MORC1: variants seen among roughly 807,000 people sequenced by gnomAD.
The protein encoded by MORC1 is MORC family CW-type zinc finger protein 1.
A neutral mutation model predicts 134.9 loss-of-function variants in MORC1; 59 were observed. The observed-to-expected ratio is 0.44, with a 90% CI of 0.35 to 0.54. The LOEUF (loss-of-function observed/expected upper bound fraction) is 0.54. Ranked by LOEUF, MORC1 falls within the 20% of genes least tolerant of loss-of-function variation. MORC1 has a pLI of 0.00. For missense variants in MORC1, 947 were observed against 1,134.5 expected (o/e 0.83, Z 2.37); for synonymous variants, 395 against 391.7 (o/e 1.01, Z -0.10).
intron 17 of MORC1, among the ~76,000 whole-genome samples, chr3:109,023,858 C>T (rs546860326): frequency 6.6e-6 from 1 of 152,274 alleles, no homozygotes; most frequent in East Asian, 1.9e-4. Context: ...CATCACTTGG[C>T]CAGCAGGTGG....
intron 17 of MORC1, among the ~76,000 whole-genome samples, chr3:109,017,078 C>G (rs568923522): frequency 6.6e-6 from 1 of 152,294 alleles, no homozygotes; most frequent in South Asian, 2.1e-4. Flanking sequence ...CAGCTTATTA[C>G]CCATGGCGTC....
intron 14 of MORC1, among the ~76,000 whole-genome samples, chr3:109,040,796 C>T (rs184379298): frequency 1.3e-4 from 18 of 137,684 alleles, no homozygotes; most frequent in Middle Eastern, 5.0e-3. Context: ...TGCCACTGCA[C>T]TCCAGACTGG....
chr3:108,988,949 C>A (rs2593966), intron 21 of MORC1, among the ~76,000 whole-genome samples: 172 of 152,246 alleles, frequency 1.1e-3, no homozygotes, highest in African/African-American at 4.0e-3. Context: ...GCTCTGCCAT[C>A]TCTATAACAT....
rs909973021 is a variant in MORC1 at position 109,057,205 on chromosome 3, G to C, written c.1175+138C>G. Reference sequence around the variant, plus strand: ...CTATCAATGAGGCAGATTAATGCCTGCACTTCAACAGGAAGGGTGAACAGA... The same window carrying C: ...CTATCAATGAGGCAGATTAATGCCTCCACTTCAACAGGAAGGGTGAACAGA... On this transcript the variant is annotated intron_variant, in intron 13 of 27. Coordinates refer to ENST00000232603, the MANE Select transcript of MORC1 (RefSeq NM_014429.4). 7.3e-6 allele frequency: 6 copies of C among 823,786 alleles called. No homozygotes were observed. In the African/African-American group the frequency reaches 1.1e-4, roughly 14 times the overall value. 51.0% of individuals were successfully genotyped at this position (823,786 alleles called of 1,614,324 possible). A position where few individuals can be genotyped will look rare whatever the true frequency, so the allele number is the denominator to read the frequency against.
intron 16 of MORC1, among the ~76,000 whole-genome samples, chr3:109,031,888 C>A (rs1171469208): frequency 6.6e-6 from 1 of 152,042 alleles, no homozygotes; most frequent in East Asian, 1.9e-4. Flanking sequence ...ACGAAAAAAC[C>A]TGGGCCATGA....
At chr3:109,002,877 A>G (rs1241503787) in intron 20 of MORC1, among the ~76,000 whole-genome samples, 1 of 152,038 alleles carries the variant, frequency 6.6e-6, no homozygotes, top group Non-Finnish European at 1.5e-5. Flanking sequence ...GTCCATTTCC[A>G]TCTCTTTTCC....
At chr3:109,067,106 T>A (rs183758982) in intron 9 of MORC1, among the ~76,000 whole-genome samples, 1 of 152,180 alleles carries the variant, frequency 6.6e-6, no homozygotes, top group Admixed American at 6.5e-5. Context: ...CAAGAGAACA[T>A]AGCGTTAATG....
chr3:108,969,671 G>T lies in MORC1; in HGVS notation c.2602C>A (p.Gln868Lys), dbSNP rs753247879. The change falls in exon 26 of 28, where the codon CAG becomes AAG. Residue 868 changes from glutamine (Q) to lysine (K), a missense_variant and splice_region_variant. By Grantham distance (53) the Gln-to-Lys change is moderately conservative (BLOSUM62 1). This residue lies in a region of MORC1 where 722 missense variants were observed against 817.0 expected (regional missense o/e 0.88). Transcript: ENST00000232603. ...MNKKLKMCFN[Q>K]IQNTYMVQYE... ...GGTGATACTGAAAGGAAGCTTACCT[G>T]GTTGAAACACATTTTCAGCTTTTTG... 106 of 1,613,152 alleles carry T rather than the reference G, an allele frequency of 6.6e-5. No individual in the cohort carries two copies. Among genetic ancestry groups the T allele is most frequent in the Non-Finnish European group, 8.6e-5 (101 of 1,179,344 alleles).
intron 27 of MORC1, among the ~76,000 whole-genome samples, chr3:108,960,625 A>G (rs1947055327): frequency 6.6e-6 from 1 of 152,200 alleles, no homozygotes; most frequent in African/African-American, 2.4e-5. Context: ...GTTTTGAGAA[A>G]GTTAGCCAAA....
chr3:109,032,689 A>G, intron 16 of MORC1, 31 bp downstream of exon 16: 1 of 1,414,978 alleles, frequency 7.1e-7, no homozygotes, highest in South Asian at 1.3e-5. Flanking sequence ...TTAAAAATGA[A>G]TAAAGAATTT....
Position 108,958,931 on chromosome 3 carries a change from T to A in MORC1, c.*34A>T, listed in dbSNP as rs1947007087. On this transcript the variant is annotated 3_prime_UTR_variant, in exon 28 of 28. Coordinates refer to ENST00000232603, the MANE Select transcript of MORC1 (RefSeq NM_014429.4). ...TTAAAAGAATCTTCCAATTTTCTTA[T>A]TAGCATTTTTTAAAAGGTAATACCA... 7.3e-6 allele frequency: 10 copies of A among 1,373,328 alleles called. No homozygotes were observed. The highest frequency in any genetic ancestry group is 9.6e-6 in the Non-Finnish European group (10 of 1,039,074). The allele number at this position is 1,373,328 out of a possible 1,614,324, so 85.1% of individuals were successfully genotyped here.
In MORC1 at chr3:109,038,505, CT is replaced by C. The variant is rs558966590; in HGVS notation, c.1331-3038del. On this transcript the variant is annotated intron_variant, in intron 14 of 27. Transcript: ENST00000232603. Reference sequence around the variant, plus strand: ...GCTTTTTGTGTTTTAGTCATGAAGCCTTTGTCCATGCCTATGTCCTGAATGG... The same window carrying C: ...GCTTTTTGTGTTTTAGTCATGAAGCCTTGTCCATGCCTATGTCCTGAATGG... Among the ~76,000 whole-genome samples, 8 of 152,180 alleles carry C rather than the reference CT, an allele frequency of 5.3e-5. No homozygotes were observed. In the East Asian group the frequency reaches 1.5e-3, roughly 29 times the overall value.
At chr3:108,995,554 A>G (rs1238209055) in intron 21 of MORC1, among the ~76,000 whole-genome samples, 1 of 152,244 alleles carries the variant, frequency 6.6e-6, no homozygotes, top group African/African-American at 2.4e-5. Context: ...CCATATTACT[A>G]GAGTGATAAT....
At chr3:108,996,713 C>CA (rs1431484421) in intron 21 of MORC1, among the ~76,000 whole-genome samples, 2 of 151,960 alleles carry the variant, frequency 1.3e-5, no homozygotes, top group African/African-American at 4.8e-5. Flanking sequence ...AAACTAATAT[C>CA]AAAAACAAAA....
chr3:109,077,174 T>G (rs1950439686), intron 8 of MORC1, among the ~76,000 whole-genome samples: 1 of 151,970 alleles, frequency 6.6e-6, no homozygotes, highest in South Asian at 2.1e-4. Flanking sequence ...AATATTGAAG[T>G]GGAAGGGAAA....
chr3:109,023,921 T>G (rs568723572), intron 17 of MORC1, among the ~76,000 whole-genome samples: 2 of 152,196 alleles, frequency 1.3e-5, no homozygotes, highest in East Asian at 3.8e-4. Flanking sequence ...AAGCTGAAAG[T>G]AGTTAGAAAC....
At chr3:109,082,983 A>C (rs1950550158) in intron 8 of MORC1, among the ~76,000 whole-genome samples, 1 of 152,192 alleles carries the variant, frequency 6.6e-6, no homozygotes, top group Non-Finnish European at 1.5e-5. Context: ...TGCATATAAG[A>C]ATCAAACTCT....
At chr3:109,006,400 A>C (rs1240577747) in intron 18 of MORC1, among the ~76,000 whole-genome samples, 1 of 152,252 alleles carries the variant, frequency 6.6e-6, no homozygotes, top group Non-Finnish European at 1.5e-5. Flanking sequence ...CCAATATTTA[A>C]AGTGAATAGT....
chr3:109,097,155 T>C (rs889262725), intron 6 of MORC1, among the ~76,000 whole-genome samples: 2 of 152,064 alleles, frequency 1.3e-5, no homozygotes, highest in Non-Finnish European at 2.9e-5. Context: ...ACAAAGAAGA[T>C]TATTTTGACC....
Sources: gnomAD v4.1 joint callset for allele counts (sites outside exome capture counted in the v4.1 genomes callset) on GRCh38, gnomAD v4.1.1 for gene constraint, gnomAD v4.1.1 regional missense constraint, MANE v1.5 for transcripts, NCBI Gene and HGNC (gene_info 2026-07-23, HGNC 2026-07-21) for gene names.